The following GABRG3 variants were observed in gnomAD, a reference collection of about 807,000 sequenced individuals.
GABRG3 encodes gamma-aminobutyric acid type A receptor subunit gamma3, also known as gamma-aminobutyric acid receptor subunit gamma-3.
A neutral mutation model predicts 48.8 loss-of-function variants in GABRG3; 25 were observed. The ratio of observed to expected loss-of-function variants is 0.51; its 90% CI spans 0.37 to 0.72. The LOEUF is 0.72. GABRG3 is among the 30% of genes least tolerant of loss of function. The probability of loss-of-function intolerance (pLI) is 0.00; values close to 1 mark genes in which losing one functional copy is unlikely to be tolerated. For missense variants in GABRG3, 394 were observed against 577.9 expected (o/e 0.68, Z 3.26); for synonymous variants, 227 against 217.6 (o/e 1.04, Z -0.38).
At chr15:27,261,676 G>C (rs74004763) in intron 3 of GABRG3, among the ~76,000 whole-genome samples, 4,517 of 152,034 alleles carry the variant, frequency 0.03, 220 homozygotes, top group African/African-American at 0.1. Flanking sequence ...AGACTTATGA[G>C]TAAAAACTAT....
chr15:27,313,260 G>GTGTGTGTA (rs1893073226), intron 3 of GABRG3, among the ~76,000 whole-genome samples: 1 of 49,556 alleles, frequency 2.0e-5, no homozygotes, highest in Non-Finnish European at 3.5e-5. Context: ...GTGTGTGTGT[G>GTGTGTGTA]TGTATATATA....
rs1286355572 is a variant in GABRG3 at position 27,391,542 on chromosome 15, G to A, written c.574+62654G>A. ...CTGTTCTAACACCTTCCCTGTATTC[G>A]TGCTAATATGCAACTGAAAGTACAG... On this transcript the variant is annotated intron_variant, in intron 5 of 9. Coordinates refer to ENST00000615808, the MANE Select transcript of GABRG3 (RefSeq NM_033223.5). Among the ~76,000 whole-genome samples, 4 of 152,016 alleles carry A rather than the reference G, an allele frequency of 2.6e-5. No homozygotes were observed. The East Asian group carries it at 5.8e-4, about 22-fold the overall frequency.
intron 3 of GABRG3, among the ~76,000 whole-genome samples, chr15:27,027,353 C>T (rs1026683299): frequency 6.6e-6 from 1 of 152,170 alleles, no homozygotes; most frequent in Non-Finnish European, 1.5e-5. Flanking sequence ...GTCCACCTGC[C>T]AGCAAGGGGT....
chr15:27,458,939 A>G (rs1014512293), intron 5 of GABRG3, among the ~76,000 whole-genome samples: 1 of 152,156 alleles, frequency 6.6e-6, no homozygotes, highest in African/African-American at 2.4e-5. Flanking sequence ...TCTCCGGCAC[A>G]TTCTCTTCCT....
intron 3 of GABRG3, among the ~76,000 whole-genome samples, chr15:27,213,337 A>G (rs1027113089): frequency 6.6e-6 from 1 of 152,218 alleles, no homozygotes; most frequent in Non-Finnish European, 1.5e-5. Context: ...TTGCAATTCT[A>G]GAATTGAGAA....
intron 3 of GABRG3, among the ~76,000 whole-genome samples, chr15:27,061,658 G>T (rs935482137): frequency 6.6e-6 from 1 of 151,980 alleles, no homozygotes; most frequent in Non-Finnish European, 1.5e-5. Flanking sequence ...TTGATTGATG[G>T]GGCAAGTCTC....
chr15:27,039,368 G>A (rs1490511089), intron 3 of GABRG3, among the ~76,000 whole-genome samples: 1 of 152,162 alleles, frequency 6.6e-6, no homozygotes, highest in African/African-American at 2.4e-5. Context: ...CCTGCTACAG[G>A]AACACTGGGC....
At chr15:27,304,763 A>T (rs1048855380) in intron 3 of GABRG3, among the ~76,000 whole-genome samples, 6 of 151,960 alleles carry the variant, frequency 3.9e-5, no homozygotes, top group African/African-American at 1.4e-4. Context: ...ATGATATCCA[A>T]AGTACTATTT....
chr15:27,235,660 A>C (rs761840088), intron 3 of GABRG3, among the ~76,000 whole-genome samples: 1 of 152,186 alleles, frequency 6.6e-6, no homozygotes, highest in Non-Finnish European at 1.5e-5. Flanking sequence ...AAACAAACAG[A>C]AGTTTATTGA....
At chr15:27,467,024 C>T (rs1889633954) in intron 5 of GABRG3, among the ~76,000 whole-genome samples, 2 of 152,142 alleles carry the variant, frequency 1.3e-5, no homozygotes, top group African/African-American at 4.8e-5. Context: ...GCATCTTAGT[C>T]ATCTGGGGCT....
intron 3 of GABRG3, among the ~76,000 whole-genome samples, chr15:27,065,067 T>A (rs1896714505): frequency 1.3e-5 from 2 of 152,262 alleles, no homozygotes; most frequent in Admixed American, 6.5e-5. Flanking sequence ...TCCTGCACCC[T>A]CTCTTTGAGG....
chr15:27,469,492 C>A (rs1467939381), intron 5 of GABRG3, among the ~76,000 whole-genome samples: 1 of 152,084 alleles, frequency 6.6e-6, no homozygotes, highest in Admixed American at 6.5e-5. Context: ...AGGCGCCCAC[C>A]ACCACACCGG....
intron 3 of GABRG3, among the ~76,000 whole-genome samples, chr15:27,089,739 C>G (rs1414942363): frequency 6.6e-6 from 1 of 152,228 alleles, no homozygotes; most frequent in South Asian, 2.1e-4. Flanking sequence ...CATCTGCTTT[C>G]TGCCTCTGTG....
intron 5 of GABRG3, among the ~76,000 whole-genome samples, chr15:27,463,200 T>C (rs1424258282): frequency 6.6e-6 from 1 of 152,164 alleles, no homozygotes; most frequent in Non-Finnish European, 1.5e-5. Flanking sequence ...AACACCTCTT[T>C]ATATTAGACA....
At chr15:27,005,382 C>A (rs1047645153) in intron 2 of GABRG3, among the ~76,000 whole-genome samples, 26 of 152,144 alleles carry the variant, frequency 1.7e-4, no homozygotes, top group Admixed American at 3.3e-4. Context: ...TGTTAAATAT[C>A]TTAATGAAGC....
chr15:27,272,322 A>C (rs1247207798), intron 3 of GABRG3, among the ~76,000 whole-genome samples: 1 of 152,212 alleles, frequency 6.6e-6, no homozygotes, highest in Non-Finnish European at 1.5e-5. Flanking sequence ...CACTGTCACA[A>C]AGACTCAGTC....
intron 6 of GABRG3, among the ~76,000 whole-genome samples, chr15:27,482,616 T>A (rs1391201085): frequency 6.7e-6 from 1 of 150,186 alleles, no homozygotes; most frequent in Non-Finnish European, 1.5e-5. Flanking sequence ...ACTATGGCAG[T>A]AACACACTTA....
chr15:27,036,404 A>G (rs545414387), intron 3 of GABRG3, among the ~76,000 whole-genome samples: 2 of 152,200 alleles, frequency 1.3e-5, no homozygotes, highest in Non-Finnish European at 1.5e-5. Flanking sequence ...TTTCACTTTC[A>G]GATGCCGGCC....
intron 3 of GABRG3, among the ~76,000 whole-genome samples, chr15:27,267,102 C>CTTTTTTTTT (rs57772496): frequency 8.9e-6 from 1 of 112,856 alleles, no homozygotes; most frequent in Non-Finnish European, 1.8e-5. Flanking sequence ...TAGTCTTTTA[C>CTTTTTTTTT]TTTTTTTTTT....
Sources: gnomAD v4.1 joint callset for allele counts (sites outside exome capture counted in the v4.1 genomes callset) on GRCh38, gnomAD v4.1.1 for gene constraint, MANE v1.5 for transcripts, NCBI Gene and HGNC (gene_info 2026-07-23, HGNC 2026-07-21) for gene names.